FSTL5: variants seen among roughly 807,000 people sequenced by gnomAD.
FSTL5 encodes follistatin-related protein 5.
FSTL5 carries 62 observed loss-of-function variants against 89.1 expected under a neutral mutation model. The observed-to-expected ratio is 0.70, with a 90% confidence interval of 0.57 to 0.86. FSTL5 has a LOEUF of 0.86. FSTL5 is among the 40% of genes least tolerant of loss of function. The pLI, the probability that FSTL5 is intolerant of heterozygous loss-of-function variation, is 0.00. For synonymous variants in FSTL5, 383 were observed against 346.2 expected (o/e 1.11, Z -1.18); for missense variants, 1,057 against 1,001.6 (o/e 1.06, Z -0.75).
chr4:161,498,103 T>A (rs902398219), intron 12 of FSTL5, among the ~76,000 whole-genome samples: 2 of 151,850 alleles, frequency 1.3e-5, no homozygotes, highest in Admixed American at 1.3e-4. Context: ...CATATATATG[T>A]ATACATAGAT....
intron 6 of FSTL5, among the ~76,000 whole-genome samples, chr4:161,698,610 G>A (rs1738269005): frequency 6.6e-6 from 1 of 152,130 alleles, no homozygotes; most frequent in African/African-American, 2.4e-5. Context: ...TGGAGAAGGT[G>A]AAGGGTAAGA....
intron 2 of FSTL5, among the ~76,000 whole-genome samples, chr4:162,038,193 T>A (rs367636824): frequency 6.6e-6 from 1 of 151,912 alleles, no homozygotes; most frequent in Admixed American, 6.6e-5. Context: ...ATAAGAAATA[T>A]ATTTGGTTAT....
intron 1 of FSTL5, among the ~76,000 whole-genome samples, chr4:162,127,151 T>G (rs151119411): frequency 4.3e-4 from 65 of 152,192 alleles, no homozygotes; most frequent in Non-Finnish European, 9.3e-4. Context: ...TAATAGAAAG[T>G]TGTCTTCCCC....
At chr4:162,031,279 T>C (rs1199889347) in intron 3 of FSTL5, among the ~76,000 whole-genome samples, 5 of 152,164 alleles carry the variant, frequency 3.3e-5, no homozygotes, top group African/African-American at 1.2e-4. Context: ...ATAAATGTGT[T>C]TGAATAAATG....
At chr4:161,810,736 T>C (rs1400652286) in intron 4 of FSTL5, among the ~76,000 whole-genome samples, 1 of 152,200 alleles carries the variant, frequency 6.6e-6, no homozygotes, top group African/African-American at 2.4e-5. Flanking sequence ...ACTATAATAA[T>C]GTTAATCATT....
rs186188143 is a variant in FSTL5 at position 161,696,003 on chromosome 4, T to A, written c.728-39509A>T. 5.9e-3 allele frequency among the ~76,000 whole-genome samples: 906 copies of A among 152,326 alleles called. 13 individuals are homozygous for A. Among genetic ancestry groups the A allele is most frequent in the South Asian group, 0.047 (229 of 4,830 alleles). ...TTTATCTTTGTTTTATTGCATTTGC[T>A]TTTGGGTTCTTCGTCATGAAATATT... On this transcript the variant is annotated intron_variant, in intron 6 of 15. Transcript: ENST00000306100.
intron 12 of FSTL5, among the ~76,000 whole-genome samples, chr4:161,489,925 T>TG (rs1729805336): frequency 6.6e-6 from 1 of 152,108 alleles, no homozygotes; most frequent in South Asian, 2.1e-4. Context: ...GAATTTTTTT[T>TG]GTACTTCAGT....
chr4:161,866,273 T>A (rs1391762716), intron 4 of FSTL5, among the ~76,000 whole-genome samples: 2 of 152,140 alleles, frequency 1.3e-5, no homozygotes, highest in African/African-American at 4.8e-5. Flanking sequence ...AAACTTTTTG[T>A]CTCTTCAGAA....
chr4:161,464,174 C>T (rs775168844), intron 13 of FSTL5, among the ~76,000 whole-genome samples: 2 of 152,102 alleles, frequency 1.3e-5, no homozygotes, highest in Non-Finnish European at 2.9e-5. Context: ...ATAATGACCA[C>T]CTGGCCTTAC....
At chr4:161,738,509 A>G (rs986863264) in intron 6 of FSTL5, among the ~76,000 whole-genome samples, 5 of 152,102 alleles carry the variant, frequency 3.3e-5, no homozygotes, top group Non-Finnish European at 7.4e-5. Flanking sequence ...AAAATGTACT[A>G]TATAAATAAG....
chr4:161,466,727 G>A (rs1733759545), intron 13 of FSTL5, among the ~76,000 whole-genome samples: 1 of 151,808 alleles, frequency 6.6e-6, no homozygotes. Flanking sequence ...AGCAATAATT[G>A]AAACAATTTG....
At chr4:161,748,424 C>T (rs1462995251) in intron 6 of FSTL5, among the ~76,000 whole-genome samples, 1 of 151,974 alleles carries the variant, frequency 6.6e-6, no homozygotes, top group Non-Finnish European at 1.5e-5. Context: ...ATAATTATTA[C>T]ATTCCATGTA....
chr4:161,499,639 C>T (rs571530407), intron 12 of FSTL5, among the ~76,000 whole-genome samples: 1 of 152,228 alleles, frequency 6.6e-6, no homozygotes, highest in South Asian at 2.1e-4. Context: ...TATACACCAG[C>T]TTCCCACCAG....
chr4:161,772,865 C>T (rs923621972), intron 5 of FSTL5, among the ~76,000 whole-genome samples: 2 of 151,774 alleles, frequency 1.3e-5, no homozygotes, highest in Non-Finnish European at 2.9e-5. Flanking sequence ...CATATGGAAC[C>T]AAAAAAGAGC....
At chr4:161,765,765 G>A (rs1347062671) in intron 5 of FSTL5, among the ~76,000 whole-genome samples, 1 of 151,434 alleles carries the variant, frequency 6.6e-6, no homozygotes, top group African/African-American at 2.4e-5. Context: ...ATTGACATAT[G>A]TTTATATAAG....
At chr4:161,625,417 T>G (rs954731237) in intron 7 of FSTL5, among the ~76,000 whole-genome samples, 19 of 152,090 alleles carry the variant, frequency 1.2e-4, no homozygotes, top group African/African-American at 4.1e-4. Flanking sequence ...CAGTTATCAT[T>G]GATGTTAATA....
intron 4 of FSTL5, among the ~76,000 whole-genome samples, chr4:161,795,281 T>C (rs1201917279): frequency 6.6e-6 from 1 of 152,146 alleles, no homozygotes; most frequent in Non-Finnish European, 1.5e-5. Context: ...ACAATTCTTG[T>C]TGTATCTCCC....
At chr4:162,049,916 C>T (rs990009561) in intron 2 of FSTL5, among the ~76,000 whole-genome samples, 1 of 151,688 alleles carries the variant, frequency 6.6e-6, no homozygotes, top group African/African-American at 2.4e-5. Context: ...CGATAGTTGA[C>T]ATAATGAATA....
At chr4:161,746,561 C>A (rs572203273) in intron 6 of FSTL5, among the ~76,000 whole-genome samples, 1 of 152,204 alleles carries the variant, frequency 6.6e-6, no homozygotes, top group East Asian at 1.9e-4. Flanking sequence ...TTCAGGTTAC[C>A]AATGTGACAT....
Sources: gnomAD v4.1 joint callset for allele counts (sites outside exome capture counted in the v4.1 genomes callset) on GRCh38, gnomAD v4.1.1 for gene constraint, MANE v1.5 for transcripts, NCBI Gene and HGNC (gene_info 2026-07-23, HGNC 2026-07-21) for gene names.